ZMAT4: variants seen among roughly 807,000 people sequenced by gnomAD.
ZMAT4 encodes the protein zinc finger matrin-type protein 4.
ZMAT4 carries 17 observed loss-of-function variants against 28.7 expected under a neutral mutation model. That is an observed-to-expected ratio of 0.59 (90% CI 0.41 to 0.89). The LOEUF is 0.89. Ranked by LOEUF, ZMAT4 falls within the 40% of genes least tolerant of loss-of-function variation. The probability of loss-of-function intolerance (pLI) is 0.00; values close to 1 mark genes in which losing one functional copy is unlikely to be tolerated. For synonymous variants in ZMAT4, 117 were observed against 109.2 expected, an observed-to-expected ratio of 1.07 and a Z score of -0.44; for missense variants, 240 against 283.8, an observed-to-expected ratio of 0.85 and a Z score of 1.11.
rs36013592 is a variant in ZMAT4 at position 40,808,850 on chromosome 8, TA to T, written c.102+16724del. Among the ~76,000 whole-genome samples, 427 of 145,076 alleles carry T rather than the reference TA, an allele frequency of 2.9e-3. 4 individuals carry two copies. Among genetic ancestry groups the T allele is most frequent in the African/African-American group, 8.4e-3 (332 of 39,376 alleles). ...ATGCTTATCCTGGATGCCAACTATT[TA>T]AAAAAAAAAAAAAACTATTCCCGAA... On this transcript the variant is annotated intron_variant, in intron 2 of 6. Coordinates refer to ENST00000297737, the MANE Select transcript of ZMAT4 (RefSeq NM_024645.3).
intron 5 of ZMAT4, among the ~76,000 whole-genome samples, chr8:40,586,643 A>C (rs1804680055): frequency 1.3e-5 from 2 of 152,200 alleles, no homozygotes; most frequent in Admixed American, 1.3e-4. Flanking sequence ...TCAGCAGCAC[A>C]TGACTACTCA....
rs545278653 is a variant in ZMAT4 at position 40,897,369 on chromosome 8, G to A, written c.-5+314C>T. Among the ~76,000 whole-genome samples, 5 of 152,246 alleles carry A rather than the reference G, an allele frequency of 3.3e-5. No individual in the cohort carries two copies. The South Asian group carries it at 1.0e-3, about 32-fold the overall frequency. On this transcript the variant is annotated intron_variant, in intron 1 of 6. Transcript: ENST00000297737. ...TGCACCAGGAAACAGCACACCCTGG[G>A]ATCCAACTTCTTTCACCCAGCACAC... is the stretch of plus-strand genomic sequence containing the variant.
intron 5 of ZMAT4, among the ~76,000 whole-genome samples, chr8:40,643,552 G>GA (rs1424144287): frequency 1.3e-5 from 2 of 152,052 alleles, no homozygotes; most frequent in Admixed American, 6.6e-5. Context: ...ATGAAACAAA[G>GA]ATACAAGGTC....
intron 5 of ZMAT4, among the ~76,000 whole-genome samples, chr8:40,667,043 TG>T (rs1402365522): frequency 1.2e-4 from 18 of 152,216 alleles, no homozygotes; most frequent in African/African-American, 4.3e-4. Context: ...TGGCGCCATT[TG>T]TAGTCAAAAG....
intron 1 of ZMAT4, among the ~76,000 whole-genome samples, chr8:40,830,584 T>G (rs1451307685): frequency 6.6e-6 from 1 of 152,248 alleles, no homozygotes; most frequent in Non-Finnish European, 1.5e-5. Flanking sequence ...CAACCATTGG[T>G]GGACACTTAA....
intron 1 of ZMAT4, among the ~76,000 whole-genome samples, chr8:40,871,691 A>G (rs1010791098): frequency 2.6e-5 from 4 of 152,206 alleles, no homozygotes; most frequent in African/African-American, 4.8e-5. Flanking sequence ...CCCACCCGCT[A>G]GCTAGCCCAG....
chr8:40,532,303 T>TAC, intron 6 of ZMAT4, 65 bp from the exon 7 acceptor site: 1 of 1,458,854 alleles, frequency 6.9e-7, no homozygotes, highest in Non-Finnish European at 9.3e-7. Context: ...CACCTCTTTC[T>TAC]CCCCCCCACC....
At chr8:40,546,839 A>G (rs1803217626) in intron 6 of ZMAT4, among the ~76,000 whole-genome samples, 1 of 152,134 alleles carries the variant, frequency 6.6e-6, no homozygotes, top group Non-Finnish European at 1.5e-5. Flanking sequence ...GCTGCGATGG[A>G]TTGTGGCTCC....
At chr8:40,591,083 C>G (rs1180882871) in intron 5 of ZMAT4, among the ~76,000 whole-genome samples, 2 of 152,038 alleles carry the variant, frequency 1.3e-5, no homozygotes, top group Non-Finnish European at 2.9e-5. Context: ...GCTGACTCTT[C>G]ATGTCTGTGT....
chr8:40,873,358 C>T (rs577927610), intron 1 of ZMAT4, among the ~76,000 whole-genome samples: 10 of 152,232 alleles, frequency 6.6e-5, no homozygotes, highest in African/African-American at 1.9e-4. Context: ...AATGAGTCAC[C>T]GAAAGCTGTT....
intron 5 of ZMAT4, among the ~76,000 whole-genome samples, chr8:40,590,520 C>A (rs1024093785): frequency 1.3e-5 from 2 of 152,048 alleles, no homozygotes; most frequent in African/African-American, 4.8e-5. Context: ...TTGGAATATG[C>A]ATTCAAGCTT....
intron 5 of ZMAT4, among the ~76,000 whole-genome samples, chr8:40,606,406 G>GA (rs1224131367): frequency 1.3e-4 from 19 of 151,882 alleles, no homozygotes; most frequent in South Asian, 2.1e-4. Context: ...TTGTTTGTCT[G>GA]AAAAAAAATG....
chr8:40,737,538 G>A (rs2150531645), intron 3 of ZMAT4, among the ~76,000 whole-genome samples: 1 of 152,280 alleles, frequency 6.6e-6, no homozygotes, highest in Non-Finnish European at 1.5e-5. Flanking sequence ...GGTATCATAT[G>A]CTCAAGAGCA....
intron 3 of ZMAT4, among the ~76,000 whole-genome samples, chr8:40,719,816 C>T (rs1286433616): frequency 3.9e-5 from 6 of 152,070 alleles, no homozygotes; most frequent in Admixed American, 2.0e-4. Flanking sequence ...GGTGATCTGC[C>T]CCCCCTCAGC....
At chr8:40,743,542 C>T (rs1055650279) in intron 3 of ZMAT4, among the ~76,000 whole-genome samples, 1 of 152,228 alleles carries the variant, frequency 6.6e-6, no homozygotes, top group Non-Finnish European at 1.5e-5. Flanking sequence ...TCATCCTACA[C>T]TCACTGAGTG....
intron 3 of ZMAT4, among the ~76,000 whole-genome samples, chr8:40,762,692 G>T (rs1286202994): frequency 1.3e-5 from 2 of 151,976 alleles, no homozygotes; most frequent in Non-Finnish European, 2.9e-5. Flanking sequence ...AGATAGAAGA[G>T]GCAGAGGTTT....
intron 4 of ZMAT4, among the ~76,000 whole-genome samples, chr8:40,686,140 T>A (rs1809394498): frequency 6.6e-6 from 1 of 152,150 alleles, no homozygotes; most frequent in Non-Finnish European, 1.5e-5. Flanking sequence ...GCTTAAAGTC[T>A]GAAATAGACA....
At chr8:40,535,667 CAA>C (rs35203408) in intron 6 of ZMAT4, among the ~76,000 whole-genome samples, 4,332 of 140,612 alleles carry the variant, frequency 0.031, 173 homozygotes, top group African/African-American at 0.087. Context: ...GACTCTGTCT[CAA>C]AAAAAAAAAA....
chr8:40,611,203 A>T (rs1805781694), intron 5 of ZMAT4, among the ~76,000 whole-genome samples: 1 of 152,172 alleles, frequency 6.6e-6, no homozygotes, highest in Admixed American at 6.5e-5. Flanking sequence ...AAATGTGGAA[A>T]ATCTATTCAG....
Sources: allele counts gnomAD v4.1 joint callset (sites outside exome capture counted in the v4.1 genomes callset), GRCh38; gene constraint gnomAD v4.1.1; transcripts MANE v1.5; gene names NCBI Gene and HGNC (gene_info 2026-07-23, HGNC 2026-07-21).